The following KIF13B variants were observed in gnomAD, a reference collection of about 807,000 sequenced individuals.
KIF13B encodes the protein kinesin-like protein KIF13B.
A neutral mutation model predicts 222.0 loss-of-function variants in KIF13B; 127 were observed. The observed-to-expected ratio is 0.57, with a 90% CI of 0.50 to 0.66. KIF13B has a LOEUF of 0.66. Ranked by LOEUF, KIF13B falls within the 30% of genes least tolerant of loss-of-function variation. The pLI, the probability that KIF13B is intolerant of heterozygous loss-of-function variation, is 0.00. For missense variants in KIF13B, 2,173 were observed against 2,379.0 expected (o/e 0.91, Z 1.80); for synonymous variants, 976 against 919.0 (o/e 1.06, Z -1.12).
At chr8:29,123,932 A>G (rs985431177) in intron 27 of KIF13B, 92 bp downstream of exon 27, 2 of 756,536 alleles carry the variant, frequency 2.6e-6, no homozygotes, top group Non-Finnish European at 4.5e-6. Context: ...TGATGTGTTC[A>G]TCTGGTTCTT....
At chr8:29,085,479 A>G (rs1191311420) in intron 37 of KIF13B, among the ~76,000 whole-genome samples, 1 of 144,166 alleles carries the variant, frequency 6.9e-6, no homozygotes, top group Non-Finnish European at 1.5e-5. Flanking sequence ...ATCCTCATAA[A>G]CTTTCTGTTT....
intron 32 of KIF13B, among the ~76,000 whole-genome samples, chr8:29,110,870 A>G (rs1809324414): frequency 6.6e-6 from 1 of 152,256 alleles, no homozygotes; most frequent in Admixed American, 6.5e-5. Context: ...AATTTCTTAT[A>G]ATAATGCCAA....
intron 7 of KIF13B, among the ~76,000 whole-genome samples, chr8:29,180,801 C>T (rs1812680339): frequency 6.6e-6 from 1 of 151,418 alleles, no homozygotes; most frequent in Non-Finnish European, 1.5e-5. Flanking sequence ...ATAGGAAGGT[C>T]AAGGGATTTT....
intron 2 of KIF13B, among the ~76,000 whole-genome samples, chr8:29,209,216 T>G (rs1295958613): frequency 1.3e-5 from 2 of 152,100 alleles, no homozygotes; most frequent in African/African-American, 4.8e-5. Context: ...GAGGCACCAC[T>G]GGGAGGTGAG....
chr8:29,067,360 G>A lies in KIF13B; in HGVS notation c.*3144C>T, dbSNP rs1807044857. On this transcript the variant is annotated 3_prime_UTR_variant, in exon 40 of 40. Transcript: ENST00000524189. ...CACATACGGTACAAAATTACAGGTG[G>A]TTTAGTTCATTACATGATACAAATC... is the stretch of plus-strand genomic sequence containing the variant. The A allele has an allele frequency of 6.6e-6, 1 of 152,614 alleles. No individual in the cohort carries two copies. The highest frequency in any genetic ancestry group is 2.4e-5 in the African/African-American group (1 of 41,456). 9.5% of individuals were successfully genotyped at this position (152,614 alleles called of 1,614,324 possible).
intron 1 of KIF13B, among the ~76,000 whole-genome samples, chr8:29,251,309 T>C (rs116223796): frequency 0.01 from 1,537 of 152,336 alleles, 23 homozygotes; most frequent in African/African-American, 0.035. Flanking sequence ...CTAGCTGCTA[T>C]GCACTGCCTT....
chr8:29,246,148 G>A (rs914465674), intron 1 of KIF13B, among the ~76,000 whole-genome samples: 2 of 152,186 alleles, frequency 1.3e-5, no homozygotes, highest in Non-Finnish European at 2.9e-5. Flanking sequence ...GGGAGGCCGA[G>A]GCGGGTGGAT....
chr8:29,067,544 C>CA lies in KIF13B; in HGVS notation c.*2959dup, dbSNP rs1807053103. On this transcript the variant is annotated 3_prime_UTR_variant, in exon 40 of 40. Transcript: ENST00000524189. ...ATAGAGAAGCTGTTCCAAGACCCCC[C>CA]AACACCATTAGTGTCTGCAGCCCAC... The CA allele has an allele frequency of 1.3e-5, 2 of 152,246 alleles. No individual in the cohort carries two copies. The highest frequency in any genetic ancestry group is 2.9e-5 in the Non-Finnish European group (2 of 68,050). The allele number at this position is 152,246 out of a possible 1,614,324, so 9.4% of individuals were successfully genotyped here. A position where few individuals can be genotyped will look rare whatever the true frequency, so the allele number is the denominator to read the frequency against.
At chr8:29,159,618 C>A (rs901983160) in intron 13 of KIF13B, among the ~76,000 whole-genome samples, 1 of 152,138 alleles carries the variant, frequency 6.6e-6, no homozygotes, top group African/African-American at 2.4e-5. Context: ...TAGCCAGAGA[C>A]CTTCCCTCCA....
At chr8:29,200,534 C>T (rs1451419399) in intron 2 of KIF13B, among the ~76,000 whole-genome samples, 1 of 152,138 alleles carries the variant, frequency 6.6e-6, no homozygotes, top group East Asian at 1.9e-4. Flanking sequence ...TCCTGTACAC[C>T]CTTCTCCAAG....
intron 2 of KIF13B, among the ~76,000 whole-genome samples, chr8:29,236,613 C>G (rs1291698100): frequency 1.3e-5 from 2 of 152,094 alleles, no homozygotes; most frequent in African/African-American, 2.4e-5. Context: ...AGTCACTACT[C>G]TTAATAATTA....
chr8:29,247,237 A>C (rs555871012), intron 1 of KIF13B, among the ~76,000 whole-genome samples: 3 of 152,106 alleles, frequency 2.0e-5, no homozygotes, highest in Non-Finnish European at 4.4e-5. Context: ...AACAACAAAA[A>C]AGTAGCCAGG....
chr8:29,211,381 G>C (rs1226567260), intron 2 of KIF13B, among the ~76,000 whole-genome samples: 1 of 152,096 alleles, frequency 6.6e-6, no homozygotes, highest in Non-Finnish European at 1.5e-5. Context: ...GGATCCCTGA[G>C]AGGAGAACAA....
At chr8:29,172,918 CTT>C (rs1169656754) in intron 10 of KIF13B, among the ~76,000 whole-genome samples, 8 of 140,074 alleles carry the variant, frequency 5.7e-5, no homozygotes, top group Admixed American at 7.1e-5. Context: ...TTTTTTGGTG[CTT>C]TTTTTTTTTT....
At chr8:29,259,705 G>A (rs1167339599) in intron 1 of KIF13B, among the ~76,000 whole-genome samples, 3 of 152,210 alleles carry the variant, frequency 2.0e-5, no homozygotes, top group Non-Finnish European at 4.4e-5. Context: ...CTCCTGTAAT[G>A]ATTAGACGGG....
In KIF13B at chr8:29,141,890, G is replaced by A. The variant is rs531415675; in HGVS notation, c.2334+267C>T. Among the ~76,000 whole-genome samples, 4 of 152,082 alleles carry A rather than the reference G, an allele frequency of 2.6e-5. 1 individual carries two copies. The highest frequency in any genetic ancestry group is 4.1e-4 in the South Asian group (2 of 4,822). On this transcript the variant is annotated intron_variant, in intron 19 of 39. Coordinates refer to ENST00000524189, the MANE Select transcript of KIF13B (RefSeq NM_015254.4). ...CAGAGAGCACAGGAGACAGACACCC[G>A]CACACCAACAGAAGTCAGAATGGAA...
Position 29,071,661 on chromosome 8 carries a change from TG to T in KIF13B, c.5176del (p.Gln1726LysfsTer79). The T allele has an allele frequency of 6.4e-7, 1 of 1,555,514 alleles. No homozygotes were observed. Among genetic ancestry groups the T allele is most frequent in the Non-Finnish European group, 8.7e-7 (1 of 1,150,004 alleles). ...VVRYVGPADFQEGTWVGVELD... is the reference protein window; with the variant it reads ...VVRYVGPADFXEGTWVGVELD... Reference sequence around the variant, plus strand: ...CTCCACGCCGACCCACGTGCCCTCTTGGAAGTCGGCAGGCCCCACGTATCTC... The same window carrying T: ...CTCCACGCCGACCCACGTGCCCTCTTGAAGTCGGCAGGCCCCACGTATCTC... On this transcript the variant is annotated frameshift_variant, in exon 39 of 40. Coordinates refer to ENST00000524189, the MANE Select transcript of KIF13B (RefSeq NM_015254.4). LOFTEE classifies it high-confidence loss of function. The surrounding 1 kb of genome is among the most constrained non-coding windows in gnomAD (Gnocchi z 4.9).
At chr8:29,174,035 T>C (rs568012681) in intron 10 of KIF13B, among the ~76,000 whole-genome samples, 48 of 152,262 alleles carry the variant, frequency 3.2e-4, no homozygotes, top group African/African-American at 1.1e-3. Context: ...GTTTGATATA[T>C]GTAAACATAG....
At chr8:29,160,289 A>G (rs1031434975) in intron 13 of KIF13B, among the ~76,000 whole-genome samples, 5 of 152,184 alleles carry the variant, frequency 3.3e-5, no homozygotes, top group African/African-American at 1.2e-4. Flanking sequence ...TTTTCCTAAG[A>G]GTTACTGGAA....
Sources: allele counts gnomAD v4.1 joint callset (sites outside exome capture counted in the v4.1 genomes callset), GRCh38; gene constraint gnomAD v4.1.1; non-coding constraint Gnocchi (gnomAD v3.1); transcripts MANE v1.5; gene names NCBI Gene and HGNC (gene_info 2026-07-23, HGNC 2026-07-21).